BRINP3: variants seen among roughly 807,000 people sequenced by gnomAD.
BRINP3 encodes BMP/retinoic acid-inducible neural-specific protein 3.
A neutral mutation model predicts 71.0 loss-of-function variants in BRINP3; 19 were observed. The observed-to-expected ratio is 0.27, with a 90% CI of 0.19 to 0.39. The LOEUF is 0.39. BRINP3 is among the 10% of genes least tolerant of loss of function. The pLI, the probability that BRINP3 is intolerant of heterozygous loss-of-function variation, is 1.00. For synonymous variants in BRINP3, 380 were observed against 337.7 expected (o/e 1.13, Z -1.37); for missense variants, 959 against 940.8 (o/e 1.02, Z -0.25).
At chr1:190,312,961 TCTTCAATGTATC>T (rs1164197655) in intron 2 of BRINP3, among the ~76,000 whole-genome samples, 1 of 151,918 alleles carries the variant, frequency 6.6e-6, no homozygotes, top group African/African-American at 2.4e-5. Flanking sequence ...CATTTCAAAT[TCTTCAATGTATC>T]CTTATAATAG....
chr1:190,474,506 T>C (rs1489595087), intron 1 of BRINP3: 7 of 152,674 alleles, frequency 4.6e-5, no homozygotes, highest in African/African-American at 1.7e-4. Flanking sequence ...GGCAGTTTTA[T>C]ATCCTGGTGC....
chr1:190,097,854 C>T lies in BRINP3; in HGVS notation c.*164G>A. The T allele has an allele frequency of 2.8e-6, 2 of 726,942 alleles. No individual in the cohort carries two copies. Among genetic ancestry groups the T allele is most frequent in the East Asian group, 2.7e-5 (1 of 37,728 alleles). The allele number at this position is 726,942 out of a possible 1,614,324, so 45.0% of individuals were successfully genotyped here. ...AACCAAAACTGCTGTATAATATATTCATTGTCAGCAAGTTCATGTGTGTAA... is the reference window on the plus strand; with the variant it reads ...AACCAAAACTGCTGTATAATATATTTATTGTCAGCAAGTTCATGTGTGTAA... On this transcript the variant is annotated 3_prime_UTR_variant, in exon 8 of 8. Coordinates refer to ENST00000367462, the MANE Select transcript of BRINP3 (RefSeq NM_199051.3).
chr1:190,439,612 G>C (rs1674686650), intron 2 of BRINP3, among the ~76,000 whole-genome samples: 1 of 151,684 alleles, frequency 6.6e-6, no homozygotes. Context: ...CTAATTAAGG[G>C]GCATGACTGG....
chr1:190,164,386 C>T (rs1183995059), intron 6 of BRINP3, among the ~76,000 whole-genome samples: 1 of 151,992 alleles, frequency 6.6e-6, no homozygotes, highest in Non-Finnish European at 1.5e-5. Flanking sequence ...AAAACAGAAG[C>T]TGCTGTCATT....
chr1:190,165,457 T>TG (rs1457442468), intron 6 of BRINP3, among the ~76,000 whole-genome samples: 43 of 107,664 alleles, frequency 4.0e-4, no homozygotes, highest in Non-Finnish European at 6.6e-4. Flanking sequence ...TTTTTTTTTT[T>TG]TTTTGTGTGT....
chr1:190,427,676 G>C (rs1448388665), intron 2 of BRINP3, among the ~76,000 whole-genome samples: 1 of 151,960 alleles, frequency 6.6e-6, no homozygotes, highest in Non-Finnish European at 1.5e-5. Flanking sequence ...AAGGAGTGCA[G>C]CCTTCTGACC....
At chr1:190,161,823 T>C (rs1466735731) in intron 6 of BRINP3, among the ~76,000 whole-genome samples, 1 of 152,182 alleles carries the variant, frequency 6.6e-6, no homozygotes, top group African/African-American at 2.4e-5. Flanking sequence ...AATAAAGTTC[T>C]GACACATGCT....
chr1:190,384,180 T>C (rs1324112609), intron 2 of BRINP3, among the ~76,000 whole-genome samples: 2 of 127,650 alleles, frequency 1.6e-5, no homozygotes, highest in East Asian at 2.4e-4. Flanking sequence ...TTGCCTTCCT[T>C]TTTCTTCAGG....
intron 5 of BRINP3, among the ~76,000 whole-genome samples, chr1:190,232,909 T>C (rs1002687507): frequency 1.1e-4 from 16 of 152,028 alleles, no homozygotes; most frequent in African/African-American, 3.4e-4. Context: ...GCAAGAAACA[T>C]TGGTGGACAA....
intron 7 of BRINP3, among the ~76,000 whole-genome samples, chr1:190,140,897 T>C (rs1655375252): frequency 6.6e-6 from 1 of 152,114 alleles, no homozygotes; most frequent in African/African-American, 2.4e-5. Context: ...AGTCTGCCAC[T>C]CCTCCCTTGC....
Position 190,159,781 on chromosome 1 carries a change from T to C in BRINP3, c.1184+887A>G, listed in dbSNP as rs199904079. ...ACCTTAGATTATGATGGTTGCATAG[T>C]TTTTTTTTTATACTAGACACCAATA... is the stretch of plus-strand genomic sequence containing the variant. On this transcript the variant is annotated intron_variant, in intron 7 of 7. Transcript: ENST00000367462. 2.2e-4 allele frequency among the ~76,000 whole-genome samples: 33 copies of C among 147,550 alleles called. No homozygotes were observed. The East Asian group carries it at 6.4e-3, about 29-fold the overall frequency.
intron 2 of BRINP3, among the ~76,000 whole-genome samples, chr1:190,304,314 T>C (rs781268365): frequency 3.3e-5 from 5 of 151,858 alleles, no homozygotes; most frequent in Non-Finnish European, 5.9e-5. Context: ...ATTCACCATA[T>C]TATTTTATGA....
intron 6 of BRINP3, among the ~76,000 whole-genome samples, chr1:190,208,353 A>G (rs770328985): frequency 9.9e-5 from 15 of 152,048 alleles, no homozygotes; most frequent in South Asian, 2.1e-4. Context: ...GGATCAGAAC[A>G]TGCCACTACT....
At chr1:190,280,732 C>G (rs1662970082) in intron 3 of BRINP3, among the ~76,000 whole-genome samples, 3 of 151,864 alleles carry the variant, frequency 2.0e-5, no homozygotes, top group African/African-American at 4.8e-5. Flanking sequence ...CTTTTCCTGG[C>G]TTTCCTATTC....
chr1:190,380,797 T>C (rs866579610), intron 2 of BRINP3, among the ~76,000 whole-genome samples: 9 of 152,096 alleles, frequency 5.9e-5, no homozygotes, highest in Middle Eastern at 3.2e-3. Flanking sequence ...ATTTTACAGA[T>C]AGCAGAACTT....
At chr1:190,251,758 C>T (rs12063934) in intron 4 of BRINP3, among the ~76,000 whole-genome samples, 2,726 of 150,688 alleles carry the variant, frequency 0.018, 79 homozygotes, top group African/African-American at 0.062. Flanking sequence ...ATGTTTTTTG[C>T]ATTTCACTTA....
At chr1:190,429,183 A>G (rs1558278855) in intron 2 of BRINP3, among the ~76,000 whole-genome samples, 2 of 152,320 alleles carry the variant, frequency 1.3e-5, no homozygotes, top group Middle Eastern at 6.8e-3. Context: ...AAAATTGAGA[A>G]TGCATATAAT....
intron 4 of BRINP3, among the ~76,000 whole-genome samples, chr1:190,254,446 C>T (rs966483390): frequency 2.7e-4 from 41 of 152,094 alleles, no homozygotes; most frequent in East Asian, 5.8e-4. Flanking sequence ...TCTTTTATTT[C>T]GTTGAGCAGT....
intron 1 of BRINP3, among the ~76,000 whole-genome samples, chr1:190,458,235 A>G (rs970935904): frequency 2.0e-5 from 3 of 152,250 alleles, no homozygotes; most frequent in African/African-American, 7.2e-5. Flanking sequence ...AGGAATGTCA[A>G]TCTTACCCCA....
Sources: allele counts gnomAD v4.1 joint callset (sites outside exome capture counted in the v4.1 genomes callset), GRCh38; gene constraint gnomAD v4.1.1; transcripts MANE v1.5; gene names NCBI Gene and HGNC (gene_info 2026-07-23, HGNC 2026-07-21).